Variants in ALK observed in about 807,000 individuals in gnomAD.
The protein encoded by ALK is ALK tyrosine kinase receptor.
In ALK, 74 loss-of-function variants were observed where a neutral mutation model predicts 163.1. The ratio of observed to expected loss-of-function variants is 0.45; its 90% CI spans 0.38 to 0.55. ALK has a LOEUF of 0.55. Among genes scored for constraint, ALK ranks in the 20% least tolerant of loss-of-function variants. The pLI is 0.00. For missense variants in ALK, 2,063 were observed against 2,105.3 expected (o/e 0.98, Z 0.39); for synonymous variants, 960 against 843.2 (o/e 1.14, Z -2.40).
intron 4 of ALK, among the ~76,000 whole-genome samples, chr2:29,411,740 C>A (rs1192941812): frequency 6.6e-6 from 1 of 152,196 alleles, no homozygotes; most frequent in Non-Finnish European, 1.5e-5. Context: ...CCAGTTCCAA[C>A]AACTCATTAG....
chr2:29,550,900 G>A lies in ALK; in HGVS notation c.953-18784C>T, dbSNP rs1573449575. On this transcript the variant is annotated intron_variant, in intron 3 of 28. Coordinates refer to ENST00000389048, the MANE Select transcript of ALK (RefSeq NM_004304.5). ...TCTTATTCTTTCACTTAACATTGTC[G>A]TAAGCATCCTCTATGTTTTTATGTA... Among the ~76,000 whole-genome samples, 3 of 151,900 alleles carry A rather than the reference G, an allele frequency of 2.0e-5. No homozygotes were observed. In the South Asian group the frequency reaches 6.2e-4, roughly 32 times the overall value.
intron 1 of ALK, among the ~76,000 whole-genome samples, chr2:29,763,135 G>C (rs1261363575): frequency 6.6e-6 from 1 of 151,694 alleles, no homozygotes; most frequent in Non-Finnish European, 1.5e-5. Context: ...GATGACCTGG[G>C]TATGGGTCTT....
intron 4 of ALK, among the ~76,000 whole-genome samples, chr2:29,460,509 G>A (rs1671059701): frequency 6.6e-6 from 1 of 152,060 alleles, no homozygotes; most frequent in African/African-American, 2.4e-5. Context: ...GTGCTCACTT[G>A]TCTCTGTGTC....
intron 2 of ALK, among the ~76,000 whole-genome samples, chr2:29,700,003 A>G (rs1678685209): frequency 6.6e-6 from 1 of 152,132 alleles, no homozygotes; most frequent in Admixed American, 6.5e-5. Context: ...GTTTCTTTGC[A>G]TTTGGAAGAT....
intron 4 of ALK, among the ~76,000 whole-genome samples, chr2:29,433,047 T>C (rs538960871): frequency 6.6e-6 from 1 of 152,296 alleles, no homozygotes; most frequent in South Asian, 2.1e-4. Context: ...AAAAAAGTCC[T>C]CTTTATAGGA....
At chr2:29,509,235 A>G (rs1270196031) in intron 4 of ALK, among the ~76,000 whole-genome samples, 1 of 152,196 alleles carries the variant, frequency 6.6e-6, no homozygotes, top group African/African-American at 2.4e-5. Flanking sequence ...GACCTTTTTC[A>G]GCATTATTGA....
At chr2:29,907,940 T>G (rs1667593389) in intron 1 of ALK, among the ~76,000 whole-genome samples, 1 of 152,150 alleles carries the variant, frequency 6.6e-6, no homozygotes, top group African/African-American at 2.4e-5. Flanking sequence ...TTCCAAAACC[T>G]TAGACTTTTG....
intron 3 of ALK, among the ~76,000 whole-genome samples, chr2:29,600,515 A>C (rs1184398292): frequency 6.6e-6 from 1 of 152,226 alleles, no homozygotes; most frequent in African/African-American, 2.4e-5. Context: ...GCTGAGGTTA[A>C]AGAAGTAGCT....
intron 1 of ALK, among the ~76,000 whole-genome samples, chr2:29,864,898 A>G (rs977485391): frequency 6.6e-6 from 1 of 152,170 alleles, no homozygotes; most frequent in African/African-American, 2.4e-5. Flanking sequence ...TGCAAGTCAC[A>G]TTGTGATGAC....
At chr2:29,771,604 G>C (rs979972763) in intron 1 of ALK, among the ~76,000 whole-genome samples, 1 of 151,474 alleles carries the variant, frequency 6.6e-6, no homozygotes, top group Non-Finnish European at 1.5e-5. Flanking sequence ...TCACGATCTC[G>C]ACTCACTGTA....
chr2:29,651,416 T>A (rs532101071), intron 3 of ALK, among the ~76,000 whole-genome samples: 3 of 152,188 alleles, frequency 2.0e-5, no homozygotes, highest in African/African-American at 7.2e-5. Context: ...GAGGGTCATG[T>A]CCAAGGTCAA....
Position 29,251,145 on chromosome 2 carries a change from C to G in ALK, c.2164G>C (p.Gly722Arg), listed in dbSNP as rs1573160483. 6.2e-7 allele frequency: 1 copy of G among 1,614,142 alleles called. No homozygotes were observed. ...GCTGGCACCTTCCAGATCTGGATGC[C>G]TTTCAGGGGGCCCTCGCTCCCCACC... is the stretch of plus-strand genomic sequence containing the variant. ...VEVGSEGPLK[G>R]IQIWKVPATD... Residue 722 changes from glycine to arginine, a missense_variant, in exon 12 of 29, where the codon GGC (glycine) becomes CGC (arginine). Gly to Arg is a moderately radical substitution (Grantham distance 125). This residue lies in a region of ALK where 987 missense variants were observed against 939.5 expected (regional missense o/e 1.05). Transcript: ENST00000389048.
chr2:29,873,044 G>C (rs939550128), intron 1 of ALK, among the ~76,000 whole-genome samples: 1 of 152,242 alleles, frequency 6.6e-6, no homozygotes, highest in Non-Finnish European at 1.5e-5. Context: ...GTCTTAGACA[G>C]TGTGAGCTCC....
intron 2 of ALK, 27 bp downstream of exon 2, chr2:29,717,551 T>C: frequency 5.6e-6 from 9 of 1,613,432 alleles, no homozygotes; most frequent in Non-Finnish European, 7.6e-6. Flanking sequence ...ACAGTGTATC[T>C]CAAGTAAATA....
At chr2:29,792,507 C>T (rs1044922297) in intron 1 of ALK, among the ~76,000 whole-genome samples, 1 of 152,040 alleles carries the variant, frequency 6.6e-6, no homozygotes, top group South Asian at 2.1e-4. Flanking sequence ...TAATCCATAA[C>T]AAAACTCAAT....
chr2:29,194,124 C>T (rs959383670), intron 28 of ALK, among the ~76,000 whole-genome samples: 1 of 151,698 alleles, frequency 6.6e-6, no homozygotes, highest in African/African-American at 2.4e-5. Flanking sequence ...AGAGGATAAG[C>T]GCTATAATGG....
chr2:29,229,012 A>G lies in ALK; in HGVS notation c.2687T>C (p.Leu896Ser), dbSNP rs1213323857. 1.3e-6 allele frequency: 2 copies of G among 1,488,282 alleles called. No individual in the cohort carries two copies. Among genetic ancestry groups the G allele is most frequent in the Non-Finnish European group, 1.8e-6 (2 of 1,107,876 alleles). 92.2% of individuals were successfully genotyped at this position (1,488,282 alleles called of 1,614,324 possible). A position where few individuals can be genotyped will look rare whatever the true frequency, so the allele number is the denominator to read the frequency against. The change falls in exon 16 of 29, where the codon TTG (leucine) becomes TCG (serine). Residue 896 changes from leucine to serine, a missense_variant. Physicochemically the swap from Leu to Ser is moderately radical, Grantham distance 145 (BLOSUM62 -2). Coordinates refer to ENST00000389048, the MANE Select transcript of ALK (RefSeq NM_004304.5). ...NTSLLWAGKS[L>S]QEGATGGHSC... Reference sequence around the variant, plus strand: ...ATGTCCTCCGGTGGCACCCTCCTGCAAAGATTTTCCGGCCCAGAGCAAGGA... The same window carrying G: ...ATGTCCTCCGGTGGCACCCTCCTGCGAAGATTTTCCGGCCCAGAGCAAGGA...
intron 2 of ALK, among the ~76,000 whole-genome samples, chr2:29,701,906 G>C (rs752496467): frequency 2.0e-5 from 3 of 152,106 alleles, no homozygotes; most frequent in Non-Finnish European, 4.4e-5. Context: ...TCCTTCCTGT[G>C]AGTCCTGAGG....
chr2:29,562,277 T>C (rs1366747587), intron 3 of ALK, among the ~76,000 whole-genome samples: 1 of 152,236 alleles, frequency 6.6e-6, no homozygotes, highest in Non-Finnish European at 1.5e-5. Flanking sequence ...GTCCTAGTCC[T>C]GCCATCTGGA....
Sources: allele counts gnomAD v4.1 joint callset (sites outside exome capture counted in the v4.1 genomes callset), GRCh38; gene constraint gnomAD v4.1.1; regional missense constraint gnomAD v4.1.1; transcripts MANE v1.5; gene names NCBI Gene and HGNC (gene_info 2026-07-23, HGNC 2026-07-21).